The following USP25 variants were observed in gnomAD, a reference collection of about 807,000 sequenced individuals.
USP25 encodes the protein ubiquitin specific peptidase 25, also known as ubiquitin carboxyl-terminal hydrolase 25.
USP25 carries 85 observed loss-of-function variants against 158.5 expected under a neutral mutation model. The ratio of observed to expected loss-of-function variants is 0.54; its 90% CI spans 0.45 to 0.64. USP25 has a LOEUF of 0.64. Among genes scored for constraint, USP25 ranks in the 30% least tolerant of loss-of-function variants. The pLI is 0.00. For missense variants in USP25, 1,242 were observed against 1,327.3 expected, an observed-to-expected ratio of 0.94 and a Z score of 1.00; for synonymous variants, 464 against 460.4, an observed-to-expected ratio of 1.01 and a Z score of -0.10.
chr21:15,798,482 G>A (rs2035970768), intron 5 of USP25, among the ~76,000 whole-genome samples: 1 of 150,796 alleles, frequency 6.6e-6, no homozygotes, highest in South Asian at 2.1e-4. Context: ...TCTCCCCAAG[G>A]TTCTGATCTT....
intron 11 of USP25, among the ~76,000 whole-genome samples, 199 bp from the exon 12 acceptor site, chr21:15,824,767 C>G (rs2037413494): frequency 6.6e-6 from 1 of 152,166 alleles, no homozygotes; most frequent in Non-Finnish European, 1.5e-5. Context: ...CAGACACCCA[C>G]CATCGTGGCT....
chr21:15,827,767 T>TGTGC (rs755301520), intron 14 of USP25, among the ~76,000 whole-genome samples: 7,791 of 78,542 alleles, frequency 0.099, 243 homozygotes, highest in African/African-American at 0.17. Flanking sequence ...TGCGTGTGCG[T>TGTGC]GTGTGTGTGT....
At chr21:15,788,167 C>G (rs2123588132) in intron 4 of USP25, among the ~76,000 whole-genome samples, 1 of 151,778 alleles carries the variant, frequency 6.6e-6, no homozygotes, top group South Asian at 2.1e-4. Flanking sequence ...CTGAAATTTG[C>G]CTTTTTTTTT....
In USP25 at chr21:15,831,585, A is replaced by G; in HGVS notation, c.1949A>G (p.Tyr650Cys). ...GGTGGTTATAGAAATGCCAGTGCATACTGTTTAATGTACATAAATGATAAG... is the reference window on the plus strand; with the variant it reads ...GGTGGTTATAGAAATGCCAGTGCATGCTGTTTAATGTACATAAATGATAAG... ...SFGGYRNASA[Y>C]CLMYINDKAQ... The change falls in exon 16 of 26, where the codon TAC becomes TGC. Residue 650 changes from tyrosine to cysteine, a missense_variant. Physicochemically the swap from Tyr to Cys is radical, Grantham distance 194 (BLOSUM62 -2). Transcript: ENST00000400183. 6.2e-7 allele frequency: 1 copy of G among 1,614,036 alleles called. No homozygotes were observed. Among genetic ancestry groups the G allele is most frequent in the Non-Finnish European group, 8.5e-7 (1 of 1,179,924 alleles).
rs901257391 is a variant in USP25, at chr21:15,766,436, G to A, written c.268+295G>A. Among the ~76,000 whole-genome samples the A allele has an allele frequency of 2.0e-5, 3 of 151,994 alleles. No homozygotes were observed. The highest frequency in any genetic ancestry group is 1.9e-4 in the East Asian group (1 of 5,182). ...AAGGAAGAACTAGAATTTTTAGTGG[G>A]CACAGTTATTTTGCAGATTTTAAGT... On this transcript the variant is annotated intron_variant, in intron 3 of 25. Transcript: ENST00000400183. This position sits in a 1 kb window ranked among gnomAD's most constrained non-coding sequence, Gnocchi z 4.0.
At position 15,843,018 on chromosome 21, in the gene USP25, A is replaced by G. The variant is rs909376522; in HGVS notation, c.2337+478A>G. ...ACTAGATACTGTAGATTAGAGTATT[A>G]TTAGAAGGATAAGTAGGATGTTGCA... On this transcript the variant is annotated intron_variant, in intron 18 of 25. Transcript: ENST00000400183. The surrounding 1 kb of genome is among the most constrained non-coding windows in gnomAD (Gnocchi z 4.0). Among the ~76,000 whole-genome samples, 6 of 152,118 alleles carry G rather than the reference A, an allele frequency of 3.9e-5. No individual in the cohort carries two copies. The East Asian group carries it at 1.2e-3, about 29-fold the overall frequency.
intron 23 of USP25, among the ~76,000 whole-genome samples, chr21:15,872,149 G>A (rs2039921777): frequency 6.8e-6 from 1 of 147,822 alleles, no homozygotes; most frequent in Non-Finnish European, 1.5e-5. Context: ...TTAAAGGCTT[G>A]AATGAAATAC....
chr21:15,766,139 C>G lies in USP25; in HGVS notation c.266C>G (p.Thr89Arg). ...ATCAGTGTGGGAAGCCAAGCAGATA[C>G]AAGTAAGTTTTCTTTCTTTTCTTAT... is the stretch of plus-strand genomic sequence containing the variant. Reference protein sequence around the residue: ...RYISVGSQADTNVIDLTGDDK... With the variant: ...RYISVGSQADRNVIDLTGDDK... The change falls in exon 3 of 26, where the codon ACA (threonine) becomes AGA (arginine). Residue 89 changes from threonine (T) to arginine (R), a missense_variant and splice_region_variant. Physicochemically the swap from Thr to Arg is moderately conservative, Grantham distance 71. Around this residue, in one of 3 missense-constraint regions of USP25, gnomAD observed 627 missense variants for 701.4 expected, o/e 0.89. Coordinates refer to ENST00000400183, the MANE Select transcript of USP25 (RefSeq NM_001283041.3). The surrounding 1 kb of genome is among the most constrained non-coding windows in gnomAD (Gnocchi z 4.0). 4 of 1,583,690 alleles carry G rather than the reference C, an allele frequency of 2.5e-6. No individual in the cohort carries two copies. The highest frequency in any genetic ancestry group is 3.4e-6 in the Non-Finnish European group (4 of 1,170,872).
intron 9 of USP25, among the ~76,000 whole-genome samples, chr21:15,817,884 C>T (rs143131215): frequency 2.1e-4 from 32 of 152,172 alleles, no homozygotes; most frequent in African/African-American, 6.3e-4. Context: ...ACAGCCAAAC[C>T]GTATCAGTGA....
At chr21:15,848,175 A>G (rs1340358991) in intron 19 of USP25, among the ~76,000 whole-genome samples, 1 of 152,184 alleles carries the variant, frequency 6.6e-6, no homozygotes, top group Non-Finnish European at 1.5e-5. Flanking sequence ...TCCTGCCAGA[A>G]AATCCCACAG....
rs770359698 is a variant in USP25, at chr21:15,878,413, C to T, written c.3316C>T (p.Leu1106Phe). Residue 1106 changes from leucine to phenylalanine, a missense_variant, in exon 26 of 26, where the codon CTC (leucine) becomes TTC (phenylalanine). Physicochemically the swap from Leu to Phe is conservative, Grantham distance 22 (BLOSUM62 0). Coordinates refer to ENST00000400183, the MANE Select transcript of USP25 (RefSeq NM_001283041.3). Reference protein sequence around the residue: ...PKLPSYSTHELCERFARIMLS... With the variant: ...PKLPSYSTHEFCERFARIMLS... ...GTTACCTTCATATTCCACGCATGAACTCTGTGAGCGATTTGCCCGAATCAT... is the reference window on the plus strand; with the variant it reads ...GTTACCTTCATATTCCACGCATGAATTCTGTGAGCGATTTGCCCGAATCAT... 6.2e-7 allele frequency: 1 copy of T among 1,614,064 alleles called. No homozygotes were observed. The highest frequency in any genetic ancestry group is 8.5e-7 in the Non-Finnish European group (1 of 1,179,950).
chr21:15,867,955 A>AG (rs2039728692), intron 22 of USP25, among the ~76,000 whole-genome samples: 2 of 152,154 alleles, frequency 1.3e-5, no homozygotes, highest in South Asian at 4.1e-4. Flanking sequence ...AATTCAGTGC[A>AG]GGCTGTATGA....
chr21:15,767,202 C>G (rs1002045981), intron 3 of USP25, among the ~76,000 whole-genome samples: 1 of 152,060 alleles, frequency 6.6e-6, no homozygotes, highest in African/African-American at 2.4e-5. Flanking sequence ...TCATTCAACA[C>G]TGTGATAATA....
chr21:15,847,066 A>G (rs1002641265), intron 18 of USP25, among the ~76,000 whole-genome samples: 5 of 152,218 alleles, frequency 3.3e-5, no homozygotes, highest in Admixed American at 1.3e-4. Flanking sequence ...TAGGCTGTAT[A>G]TAATAAGTTA....
At chr21:15,877,723 T>G (rs562692175) in intron 24 of USP25, 73 bp from the exon 25 acceptor site, 2 of 1,084,256 alleles carry the variant, frequency 1.8e-6, no homozygotes. Context: ...GTCTTCCTTA[T>G]TAATACTTAC....
In USP25 at chr21:15,847,687, C is replaced by T. The variant is rs749583245; in HGVS notation, c.2362C>T (p.Pro788Ser). The change falls in exon 19 of 26, where the codon CCA (proline) becomes TCA (serine). Residue 788 changes from proline (P) to serine (S), a missense_variant. Physicochemically the swap from Pro to Ser is moderately conservative, Grantham distance 74. Around this residue, in one of 3 missense-constraint regions of USP25, gnomAD observed 608 missense variants for 605.2 expected, o/e 1.00. Transcript: ENST00000400183. ...QSKPENTTSQ[P>S]LSNQRVVEVA... Reference sequence around the variant, plus strand: ...GAAACCTGAAAATACTACAAGCCAACCACTTTCTAATCAGCGAGTTGTAGA... The same window carrying T: ...GAAACCTGAAAATACTACAAGCCAATCACTTTCTAATCAGCGAGTTGTAGA... The T allele has an allele frequency of 1.6e-4, 243 of 1,549,868 alleles. No homozygotes were observed. The highest frequency in any genetic ancestry group is 2.0e-4 in the Non-Finnish European group (234 of 1,146,570).
At chr21:15,747,482 A>G (rs1450949262) in intron 1 of USP25, among the ~76,000 whole-genome samples, 2 of 151,946 alleles carry the variant, frequency 1.3e-5, no homozygotes, top group East Asian at 3.8e-4. Context: ...TATAGTACAT[A>G]TAGTTTTTTT....
intron 23 of USP25, among the ~76,000 whole-genome samples, chr21:15,872,014 GTTT>G (rs1158862222): frequency 0.015 from 1,059 of 71,626 alleles, 14 homozygotes; most frequent in African/African-American, 0.051. Flanking sequence ...AAGAAATACT[GTTT>G]TTTTTTTTTT....
intron 1 of USP25, among the ~76,000 whole-genome samples, chr21:15,739,242 G>A (rs531156413): frequency 2.6e-5 from 4 of 152,100 alleles, no homozygotes; most frequent in African/African-American, 9.7e-5. Flanking sequence ...TGATAACAAT[G>A]AGTATTTTTT....
Sources: gnomAD v4.1 joint callset for allele counts (sites outside exome capture counted in the v4.1 genomes callset) on GRCh38, gnomAD v4.1.1 for gene constraint, gnomAD v4.1.1 regional missense constraint, Gnocchi (gnomAD v3.1) non-coding constraint, MANE v1.5 for transcripts, NCBI Gene and HGNC (gene_info 2026-07-23, HGNC 2026-07-21) for gene names.